The following AHCTF1 variants were observed in gnomAD, a reference collection of about 807,000 sequenced individuals.
The protein encoded by AHCTF1 is AT-hook containing transcription factor 1, also known as protein ELYS.
In AHCTF1, 24 loss-of-function variants were observed where a neutral mutation model predicts 248.4. That is an observed-to-expected ratio of 0.10 (90% CI 0.07 to 0.14). AHCTF1 has a LOEUF of 0.14. AHCTF1 is among the 10% of genes least tolerant of loss of function. The pLI, the probability that AHCTF1 is intolerant of heterozygous loss-of-function variation, is 1.00. For missense variants in AHCTF1, 2,206 were observed against 2,636.2 expected, an observed-to-expected ratio of 0.84 and a Z score of 3.57; for synonymous variants, 786 against 929.8, an observed-to-expected ratio of 0.85 and a Z score of 2.81.
intron 27 of AHCTF1, among the ~76,000 whole-genome samples, chr1:246,862,786 T>A (rs968831512): frequency 1.3e-5 from 2 of 152,230 alleles, no homozygotes; most frequent in East Asian, 3.8e-4. Flanking sequence ...TAAGACTGAC[T>A]GTAGTGTTTC....
chr1:246,889,838 A>C, intron 17 of AHCTF1, 128 bp downstream of exon 17: 1 of 606,660 alleles, frequency 1.6e-6, no homozygotes, highest in South Asian at 2.3e-5. Context: ...TAAAATAGTA[A>C]TGGTAATAGC....
rs1317226200 is a variant in AHCTF1 at position 246,861,143 on chromosome 1, T to C, written c.3888A>G (p.Gln1296=). ...TGCTCACATCCAGTTTCTCTAAACTTTGTGACCCCTCATCCATTTCTTGAT... is the reference window on the plus strand; with the variant it reads ...TGCTCACATCCAGTTTCTCTAAACTCTGTGACCCCTCATCCATTTCTTGAT... ...KEHQEMDEGS[Q]SLEKLDVSKG... is the part of the protein sequence containing the mutation. Residue 1296 remains glutamine (Q), a synonymous_variant, in exon 29 of 36, where the codon CAA becomes CAG. Coordinates refer to ENST00000648844, the MANE Select transcript of AHCTF1 (RefSeq NM_001323342.2). The C allele has an allele frequency of 6.2e-7, 1 of 1,613,892 alleles. No individual in the cohort carries two copies. Among genetic ancestry groups the C allele is most frequent in the East Asian group, 2.2e-5 (1 of 44,878 alleles).
intron 1 of AHCTF1, 150 bp from the exon 2 acceptor site, chr1:246,918,527 G>A (rs999242600): frequency 3.9e-6 from 3 of 778,722 alleles, no homozygotes; most frequent in Non-Finnish European, 5.6e-6. Context: ...CAGATGCGGA[G>A]GCTCACGCCT....
intron 3 of AHCTF1, among the ~76,000 whole-genome samples, chr1:246,915,130 G>A (rs1381645690): frequency 1.3e-5 from 2 of 152,170 alleles, no homozygotes; most frequent in Non-Finnish European, 2.9e-5. Context: ...AAGAGATCGA[G>A]AGCAGCCTGG....
intron 24 of AHCTF1, among the ~76,000 whole-genome samples, chr1:246,868,227 C>G (rs555045486): frequency 8.0e-4 from 121 of 151,852 alleles, no homozygotes; most frequent in Middle Eastern, 6.8e-3. Context: ...CTGCCAGACT[C>G]AAGTGATTTT....
At position 246,877,273 on chromosome 1, in the gene AHCTF1, C is replaced by T. The variant is rs773520062; in HGVS notation, c.2690G>A (p.Arg897Gln). 13 of 1,598,946 alleles carry T rather than the reference C, an allele frequency of 8.1e-6. No individual in the cohort carries two copies. Among genetic ancestry groups the T allele is most frequent in the Admixed American group, 1.8e-5 (1 of 55,948 alleles). Reference sequence around the variant, plus strand: ...TATATTCAACCTATTGCAATGTTGCCGCAAAAAATTCCAGGCTTCAACCAT... The same window carrying T: ...TATATTCAACCTATTGCAATGTTGCTGCAAAAAATTCCAGGCTTCAACCAT... ...RCMVEAWNFL[R>Q]QHCNRLNIEE... Residue 897 changes from arginine (R) to glutamine (Q), a missense_variant, in exon 22 of 36, where the codon CGG (arginine) becomes CAG (glutamine). Coordinates refer to ENST00000648844, the MANE Select transcript of AHCTF1 (RefSeq NM_001323342.2).
chr1:246,929,805 G>A (rs2103266238), intron 1 of AHCTF1, among the ~76,000 whole-genome samples: 2 of 152,364 alleles, frequency 1.3e-5, no homozygotes, highest in Middle Eastern at 3.4e-3. Context: ...TGTAATCCCA[G>A]CACTCTGGGA....
rs1258754199 is a variant in AHCTF1 at position 246,931,815 on chromosome 1, C to G, written c.-245G>C. The stretch of plus-strand genomic sequence containing the variant: ...CGAGAGTGCCTTCGCGGGCTGTAGG[C>G]CTGCAGACCGCTCAGCGGCTAAAAC... On this transcript the variant is annotated 5_prime_UTR_variant, in exon 1 of 36. Transcript: ENST00000648844. 1 of 152,316 alleles carries G rather than the reference C, an allele frequency of 6.6e-6. No individual in the cohort carries two copies. Among genetic ancestry groups the G allele is most frequent in the Non-Finnish European group, 1.5e-5 (1 of 68,192 alleles). 9.4% of individuals were successfully genotyped at this position (152,316 alleles called of 1,614,324 possible).
intron 10 of AHCTF1, 68 bp downstream of exon 10, chr1:246,899,997 A>T: frequency 7.0e-7 from 1 of 1,428,554 alleles, no homozygotes; most frequent in South Asian, 1.3e-5. Context: ...AATAAACTAC[A>T]CAACGTATAC....
chr1:246,868,034 C>G (rs1468568329), intron 24 of AHCTF1, among the ~76,000 whole-genome samples: 2 of 151,750 alleles, frequency 1.3e-5, no homozygotes, highest in Non-Finnish European at 2.9e-5. Context: ...ATGATCTCGG[C>G]TCACTGCACC....
At chr1:246,841,853 G>C (rs942830544) in intron 35 of AHCTF1, among the ~76,000 whole-genome samples, 3 of 151,752 alleles carry the variant, frequency 2.0e-5, no homozygotes, top group Admixed American at 2.0e-4. Context: ...GTGCAGTGGC[G>C]TGATCTTGGC....
chr1:246,868,869 G>T (rs916749139), intron 24 of AHCTF1, among the ~76,000 whole-genome samples: 1 of 145,640 alleles, frequency 6.9e-6, no homozygotes, highest in Non-Finnish European at 1.5e-5. Flanking sequence ...TTTTGAGATG[G>T]AGTCTCGCTC....
In AHCTF1 at chr1:246,907,701, A is replaced by G; in HGVS notation, c.614T>C (p.Met205Thr). 1.2e-6 allele frequency: 2 copies of G among 1,614,016 alleles called. No homozygotes were observed. Among genetic ancestry groups the G allele is most frequent in the Non-Finnish European group, 1.7e-6 (2 of 1,179,948 alleles). The change falls in exon 5 of 36, where the codon ATG becomes ACG. Residue 205 changes from methionine to threonine, a missense_variant. By Grantham distance (81) the Met-to-Thr change is moderately conservative (BLOSUM62 -1). This residue lies in a region of AHCTF1 where 650 missense variants were observed against 870.8 expected (regional missense o/e 0.75). Coordinates refer to ENST00000648844, the MANE Select transcript of AHCTF1 (RefSeq NM_001323342.2). ...AEVPHIRESV[M>T]RQGRHLCFQL... is the part of the protein sequence containing the mutation. ...GAAACACAGATGGCGCCCTTGTCTC[A>G]TTACACTTTCTCTAATGTGTGGTAC...
At position 246,902,534 on chromosome 1, in the gene AHCTF1, C is replaced by T. The variant is rs756944974; in HGVS notation, c.1108G>A (p.Val370Met). 7.5e-6 allele frequency: 12 copies of T among 1,609,526 alleles called. No individual in the cohort carries two copies. The highest frequency in any genetic ancestry group is 7.6e-6 in the Non-Finnish European group (9 of 1,178,634). The change falls in exon 8 of 36, where the codon GTG becomes ATG. Residue 370 changes from valine (V) to methionine (M), a missense_variant. By Grantham distance (21) the Val-to-Met change is conservative. Around this residue, in one of 6 missense-constraint regions of AHCTF1, gnomAD observed 650 missense variants for 870.8 expected, o/e 0.75. Coordinates refer to ENST00000648844, the MANE Select transcript of AHCTF1 (RefSeq NM_001323342.2). ...FRSHGDREEG[V>M]NEALSPDTSV... ...AAGTACTTTAACTAACCTTCATTCA[C>T]GCCTTCCTCCCTGTCACCATGAGAT...
intron 21 of AHCTF1, among the ~76,000 whole-genome samples, chr1:246,877,714 G>T (rs1663078737): frequency 6.6e-6 from 1 of 152,082 alleles, no homozygotes; most frequent in South Asian, 2.1e-4. Flanking sequence ...CATGAGGAAG[G>T]GAAGAGTAGA....
intron 21 of AHCTF1, among the ~76,000 whole-genome samples, chr1:246,882,746 G>T (rs932390168): frequency 2.0e-5 from 3 of 152,148 alleles, no homozygotes; most frequent in African/African-American, 7.2e-5. Context: ...GCCTTTATTT[G>T]TAAGTCTGTT....
chr1:246,901,492 C>T (rs1170700436), intron 8 of AHCTF1, among the ~76,000 whole-genome samples: 4 of 152,038 alleles, frequency 2.6e-5, no homozygotes, highest in African/African-American at 4.8e-5. Context: ...GGCATGGTGG[C>T]GGGTGCTTGT....
chr1:246,845,265 G>C (rs981124689), intron 33 of AHCTF1, among the ~76,000 whole-genome samples: 1 of 151,946 alleles, frequency 6.6e-6, no homozygotes, highest in Non-Finnish European at 1.5e-5. Context: ...TACACAGTAG[G>C]TGTATATATA....
rs369881206 is a variant in AHCTF1 at position 246,896,713 on chromosome 1, G to A, written c.1624-788C>T. On this transcript the variant is annotated intron_variant, in intron 12 of 35. Coordinates refer to ENST00000648844, the MANE Select transcript of AHCTF1 (RefSeq NM_001323342.2). ...TACACTTGAAATATCTGAACTGCAC[G>A]GTGTATGAAATATCTCAATAAAGCT... is the stretch of plus-strand genomic sequence containing the variant. Among the ~76,000 whole-genome samples the A allele has an allele frequency of 1.4e-4, 21 of 152,254 alleles. No homozygotes were observed. The South Asian group carries it at 3.5e-3, about 26-fold the overall frequency.
Sources: gnomAD v4.1 joint callset for allele counts (sites outside exome capture counted in the v4.1 genomes callset) on GRCh38, gnomAD v4.1.1 for gene constraint, gnomAD v4.1.1 regional missense constraint, MANE v1.5 for transcripts, NCBI Gene and HGNC (gene_info 2026-07-23, HGNC 2026-07-21) for gene names.